The following BORCS5 variants were observed in gnomAD, a reference collection of about 807,000 sequenced individuals.
BORCS5 encodes the protein BLOC-1-related complex subunit 5.
In BORCS5, 17 loss-of-function variants were observed where a neutral mutation model predicts 22.1. That is an observed-to-expected ratio of 0.77 (90% CI 0.53 to 1.15). BORCS5 has a LOEUF of 1.15. Ranked by LOEUF, BORCS5 falls within the 50% of genes most tolerant of loss-of-function variation. The pLI, the probability that BORCS5 is intolerant of heterozygous loss-of-function variation, is 0.00. For missense variants in BORCS5, 247 were observed against 253.2 expected, an observed-to-expected ratio of 0.98 and a Z score of 0.17; for synonymous variants, 117 against 99.8, an observed-to-expected ratio of 1.17 and a Z score of -1.03.
intron 3 of BORCS5, among the ~76,000 whole-genome samples, chr12:12,449,849 A>G (rs1237373767): frequency 6.6e-6 from 1 of 152,136 alleles, no homozygotes; most frequent in Non-Finnish European, 1.5e-5. Flanking sequence ...AGGTTTACGT[A>G]ATTCAGAAGG....
chr12:12,434,567 T>G (rs1264002863), intron 2 of BORCS5, among the ~76,000 whole-genome samples: 2 of 152,210 alleles, frequency 1.3e-5, no homozygotes, highest in African/African-American at 2.4e-5. Context: ...AGCAACAGAT[T>G]AAATGCAGAA....
chr12:12,394,190 G>A (rs983365241), intron 2 of BORCS5, among the ~76,000 whole-genome samples: 47 of 151,826 alleles, frequency 3.1e-4, no homozygotes, highest in African/African-American at 1.1e-3. Context: ...GCCTGGTATG[G>A]TAGTGCACAC....
intron 2 of BORCS5, among the ~76,000 whole-genome samples, chr12:12,414,843 G>T (rs1398760046): frequency 6.7e-6 from 1 of 149,290 alleles, no homozygotes; most frequent in Non-Finnish European, 1.5e-5. Flanking sequence ...CGGGGCGGCC[G>T]GGCAGAGACG....
intron 2 of BORCS5, among the ~76,000 whole-genome samples, chr12:12,430,151 ATTTTT>A (rs71061068): frequency 9.3e-6 from 1 of 107,746 alleles, no homozygotes; most frequent in Admixed American, 1.0e-4. Flanking sequence ...CTTAGAGAAA[ATTTTT>A]TTTTTTTTTT....
intron 3 of BORCS5, among the ~76,000 whole-genome samples, chr12:12,459,057 C>T (rs139693841): frequency 5.8e-4 from 87 of 150,798 alleles, no homozygotes; most frequent in African/African-American, 2.1e-3. Flanking sequence ...CCACCAGGCC[C>T]GACTAATTTT....
chr12:12,427,611 T>C (rs1295907642), intron 2 of BORCS5, among the ~76,000 whole-genome samples: 1 of 152,184 alleles, frequency 6.6e-6, no homozygotes, highest in Non-Finnish European at 1.5e-5. Flanking sequence ...TTTCTTATTG[T>C]TTTTGGGGGT....
At chr12:12,372,831 A>G (rs1433798021) in intron 2 of BORCS5, among the ~76,000 whole-genome samples, 1 of 152,120 alleles carries the variant, frequency 6.6e-6, no homozygotes, top group Non-Finnish European at 1.5e-5. Flanking sequence ...TTTACAGATG[A>G]TGTTTTCAGA....
rs375335798 is a variant in BORCS5 at position 12,377,016 on chromosome 12, T to C, written c.202+15667T>C. On this transcript the variant is annotated intron_variant, in intron 2 of 3. Coordinates refer to ENST00000314565, the MANE Select transcript of BORCS5 (RefSeq NM_058169.6). The stretch of plus-strand genomic sequence containing the variant: ...CACGTTAGTAATCTAGAATTACTTA[T>C]TTTAGTGTTTATCAGGACAGAAAAG... 2.2e-4 allele frequency among the ~76,000 whole-genome samples: 33 copies of C among 152,290 alleles called. 1 individual carries two copies. In the East Asian group the frequency reaches 6.0e-3, roughly 28 times the overall value.
intron 2 of BORCS5, among the ~76,000 whole-genome samples, chr12:12,416,809 T>C (rs148187165): frequency 0.017 from 2,378 of 137,346 alleles, 76 homozygotes; most frequent in African/African-American, 0.061. Context: ...TGAGATGGAG[T>C]CTTGCTTTGT....
At chr12:12,374,815 G>A (rs184555748) in intron 2 of BORCS5, among the ~76,000 whole-genome samples, 29 of 151,790 alleles carry the variant, frequency 1.9e-4, no homozygotes, top group Admixed American at 1.9e-3. Flanking sequence ...AAAATTAACC[G>A]GGCGTGGTGG....
At chr12:12,407,821 C>T (rs573225961) in intron 2 of BORCS5, among the ~76,000 whole-genome samples, 12 of 151,794 alleles carry the variant, frequency 7.9e-5, no homozygotes, top group South Asian at 2.1e-4. Flanking sequence ...GTGATCCTCC[C>T]GCCTCAGCCT....
At chr12:12,373,825 C>T (rs1458434003) in intron 2 of BORCS5, among the ~76,000 whole-genome samples, 2 of 152,026 alleles carry the variant, frequency 1.3e-5, no homozygotes, top group Non-Finnish European at 2.9e-5. Flanking sequence ...GTAACACTGG[C>T]CACATGTCCC....
chr12:12,412,661 T>C (rs757242591), intron 2 of BORCS5, among the ~76,000 whole-genome samples: 4 of 152,164 alleles, frequency 2.6e-5, no homozygotes, highest in African/African-American at 9.7e-5. Context: ...TTATGTTGAA[T>C]AGAAGTGGTG....
chr12:12,391,062 C>T (rs2136057954), intron 2 of BORCS5, among the ~76,000 whole-genome samples: 1 of 152,154 alleles, frequency 6.6e-6, no homozygotes, highest in South Asian at 2.1e-4. Flanking sequence ...GCCTTCAGCG[C>T]TTGTTCTCTT....
Position 12,389,269 on chromosome 12 carries a change from C to T in BORCS5, c.202+27920C>T, listed in dbSNP as rs374210680. Among the ~76,000 whole-genome samples the T allele has an allele frequency of 2.3e-3, 339 of 149,428 alleles. 13 individuals carry two copies. The highest frequency in any genetic ancestry group is 7.9e-3 in the African/African-American group (321 of 40,470). ...TCTCCTGCCTCAGCCTCCCAAGTAG[C>T]TGGGATTACAGGCGCCCACCACCAC... On this transcript the variant is annotated intron_variant, in intron 2 of 3. Coordinates refer to ENST00000314565, the MANE Select transcript of BORCS5 (RefSeq NM_058169.6).
At position 12,406,288 on chromosome 12, in the gene BORCS5, T is replaced by C. The variant is rs527587937; in HGVS notation, c.203-29340T>C. On this transcript the variant is annotated intron_variant, in intron 2 of 3. Coordinates refer to ENST00000314565, the MANE Select transcript of BORCS5 (RefSeq NM_058169.6). ...GTAGAAGTTGAGATTATTTTCCTTA[T>C]TAGTAGACTTCGTGTGTGGAAAAGT... 2.7e-4 allele frequency among the ~76,000 whole-genome samples: 41 copies of C among 152,360 alleles called. No individual in the cohort carries two copies. In the South Asian group the frequency reaches 2.7e-3, roughly 10 times the overall value.
chr12:12,418,119 GT>G (rs1446859440), intron 2 of BORCS5, among the ~76,000 whole-genome samples: 3 of 151,024 alleles, frequency 2.0e-5, no homozygotes, highest in Non-Finnish European at 4.4e-5. Context: ...TGCCTCCCAG[GT>G]TCACACCATT....
At chr12:12,392,335 C>CA (rs1472332066) in intron 2 of BORCS5, among the ~76,000 whole-genome samples, 1 of 152,064 alleles carries the variant, frequency 6.6e-6, no homozygotes, top group Admixed American at 6.6e-5. Context: ...GAATTATCTC[C>CA]AAAGTCTGTG....
chr12:12,423,654 G>T (rs2160585), intron 2 of BORCS5, among the ~76,000 whole-genome samples: 150,235 of 151,726 alleles, frequency 0.99, 74,398 homozygotes, highest in East Asian at 1. Flanking sequence ...ATGTGATAAG[G>T]TGTTTTTCTT....
Sources: allele counts gnomAD v4.1 joint callset (sites outside exome capture counted in the v4.1 genomes callset), GRCh38; gene constraint gnomAD v4.1.1; transcripts MANE v1.5; gene names NCBI Gene and HGNC (gene_info 2026-07-23, HGNC 2026-07-21).